VPS13A: variants seen among roughly 807,000 people sequenced by gnomAD.
VPS13A encodes the protein vacuolar protein sorting 13 homolog A, also known as intermembrane lipid transfer protein VPS13A.
VPS13A carries 264 observed loss-of-function variants against 390.9 expected under a neutral mutation model. That is an observed-to-expected ratio of 0.68 (90% CI 0.61 to 0.75). The LOEUF is 0.75. Among genes scored for constraint, VPS13A ranks in the 30% least tolerant of loss-of-function variants. The pLI, the probability that VPS13A is intolerant of heterozygous loss-of-function variation, is 0.00. For missense variants in VPS13A, 3,409 were observed against 3,733.9 expected (o/e 0.91, Z 2.27); for synonymous variants, 1,231 against 1,227.1 (o/e 1.00, Z -0.07).
chr9:77,336,357 A>G (rs981267318), intron 46 of VPS13A, among the ~76,000 whole-genome samples: 24 of 152,174 alleles, frequency 1.6e-4, no homozygotes, highest in African/African-American at 5.8e-4. Context: ...TATAATTAAA[A>G]CAAAAACACT....
Position 77,206,068 on chromosome 9 carries a change from T to G in VPS13A, c.374T>G (p.Val125Gly), listed in dbSNP as rs554301406. 1.3e-6 allele frequency: 2 copies of G among 1,572,774 alleles called. No homozygotes were observed. The highest frequency in any genetic ancestry group is 2.3e-5 in the South Asian group (2 of 85,730). Residue 125 changes from valine (V) to glycine (G), a missense_variant, in exon 5 of 72, where the codon GTA becomes GGA. By Grantham distance (109) the Val-to-Gly change is moderately radical. Coordinates refer to ENST00000360280, the MANE Select transcript of VPS13A (RefSeq NM_033305.3). ...AGAATAGAAGAAGCAAAACAAAAAG[T>G]AGTTGATCAAGGTAAAGAAAACAGT... The part of the protein sequence containing the change: ...LKRIEEAKQK[V>G]VDQEQHLPEK...
chr9:77,338,873 G>T (rs1018509661), intron 47 of VPS13A: 1 of 152,426 alleles, frequency 6.6e-6, no homozygotes. Flanking sequence ...TTTCCAAAGG[G>T]TGTGATCAGT....
intron 52 of VPS13A, among the ~76,000 whole-genome samples, chr9:77,345,529 T>C (rs1206700475): frequency 6.6e-6 from 1 of 152,154 alleles, no homozygotes; most frequent in South Asian, 2.1e-4. Context: ...AGGTACCCTC[T>C]TGTTGAGCTG....
At chr9:77,268,820 A>G (rs1442414463) in intron 23 of VPS13A, among the ~76,000 whole-genome samples, 2 of 152,002 alleles carry the variant, frequency 1.3e-5, no homozygotes, top group Non-Finnish European at 2.9e-5. Context: ...GGCATCTGTA[A>G]TCCCAACTGC....
In VPS13A at chr9:77,419,579, A is replaced by G. The variant is rs1336179860; in HGVS notation, c.*3573A>G. The G allele has an allele frequency of 6.6e-6, 1 of 152,178 alleles. No homozygotes were observed. The highest frequency in any genetic ancestry group is 1.5e-5 in the Non-Finnish European group (1 of 68,026). 9.4% of individuals were successfully genotyped at this position (152,178 alleles called of 1,614,324 possible). A position where few individuals can be genotyped will look rare whatever the true frequency, so the allele number is the denominator to read the frequency against. On this transcript the variant is annotated 3_prime_UTR_variant, in exon 72 of 72. Coordinates refer to ENST00000360280, the MANE Select transcript of VPS13A (RefSeq NM_033305.3). ...TTCTTCTTTTGAGTGAGAAGATGGA[A>G]TCACTCTTGGTTTCTAAAATATTTT...
Position 77,303,046 on chromosome 9 carries a change from A to G in VPS13A, c.3944A>G (p.Gln1315Arg). Residue 1315 changes from glutamine to arginine, a missense_variant, in exon 34 of 72, where the codon CAG becomes CGG. Transcript: ENST00000360280. ...QEVPCFNVNA[Q>R]LKPMEFILSQ... ...GTTCCTTGTTTTAATGTAAATGCTC[A>G]GCTGAAACCAATGGAGGTAACTTTT... The G allele has an allele frequency of 1.2e-6, 2 of 1,614,004 alleles. No homozygotes were observed. The highest frequency in any genetic ancestry group is 1.7e-6 in the Non-Finnish European group (2 of 1,179,952).
In VPS13A at chr9:77,303,074, T is replaced by C; in HGVS notation, c.3960+12T>C. ...TGAAACCAATGGAGGTAACTTTTTT[T>C]GGATACTTATCAATTTTTGTTTTGC... On this transcript the variant is annotated intron_variant, in intron 34 of 71. Transcript: ENST00000360280. The C allele has an allele frequency of 3.7e-6, 6 of 1,613,872 alleles. No homozygotes were observed. The highest frequency in any genetic ancestry group is 5.1e-6 in the Non-Finnish European group (6 of 1,179,876).
intron 71 of VPS13A, among the ~76,000 whole-genome samples, chr9:77,409,884 C>T (rs926057476): frequency 4.6e-5 from 7 of 151,348 alleles, no homozygotes; most frequent in African/African-American, 1.5e-4. Context: ...GGATATTATC[C>T]AGGAGAACTT....
intron 23 of VPS13A, among the ~76,000 whole-genome samples, chr9:77,263,809 T>C (rs1825885861): frequency 6.6e-6 from 1 of 152,170 alleles, no homozygotes; most frequent in Admixed American, 6.5e-5. Flanking sequence ...TTTAGTCATT[T>C]AGTCTTTGCC....
At chr9:77,202,040 G>A (rs1825360619) in intron 3 of VPS13A, among the ~76,000 whole-genome samples, 1 of 152,062 alleles carries the variant, frequency 6.6e-6, no homozygotes, top group Admixed American at 6.6e-5. Flanking sequence ...TTGGGACTTG[G>A]AGATATTTTT....
At position 77,359,285 on chromosome 9, in the gene VPS13A, C is replaced by G. The variant is rs554914623; in HGVS notation, c.8036-48C>G. ...GTGTATATTGGAAGAAAATGCCTAGCTTTTGCTTAAAGCATCATGGGAGTA... is the reference window on the plus strand; with the variant it reads ...GTGTATATTGGAAGAAAATGCCTAGGTTTTGCTTAAAGCATCATGGGAGTA... On this transcript the variant is annotated intron_variant, in intron 57 of 71. Coordinates refer to ENST00000360280, the MANE Select transcript of VPS13A (RefSeq NM_033305.3). The G allele has an allele frequency of 2.0e-6, 3 of 1,517,866 alleles. No individual in the cohort carries two copies. In the East Asian group the frequency reaches 6.8e-5, roughly 34 times the overall value. The allele number at this position is 1,517,866 out of a possible 1,614,324, so 94.0% of individuals were successfully genotyped here.
chr9:77,267,405 C>G (rs1291724705), intron 23 of VPS13A, among the ~76,000 whole-genome samples: 1 of 152,116 alleles, frequency 6.6e-6, no homozygotes, highest in Non-Finnish European at 1.5e-5. Context: ...GTTAGTTTTC[C>G]TTCTAACAGT....
At chr9:77,247,137 T>C in intron 19 of VPS13A, 122 bp from the exon 20 acceptor site, 1 of 836,854 alleles carries the variant, frequency 1.2e-6, no homozygotes, top group East Asian at 2.9e-5. Flanking sequence ...TTTGCTGAGG[T>C]CATTTTAAAA....
At chr9:77,263,335 C>T (rs1208423737) in intron 23 of VPS13A, among the ~76,000 whole-genome samples, 1 of 152,032 alleles carries the variant, frequency 6.6e-6, no homozygotes, top group East Asian at 1.9e-4. Flanking sequence ...TCTCAATCTC[C>T]TGACCTCGTG....
chr9:77,270,922 G>A (rs1403494906), intron 23 of VPS13A, among the ~76,000 whole-genome samples: 2 of 152,100 alleles, frequency 1.3e-5, no homozygotes, highest in Admixed American at 6.6e-5. Context: ...AACAAAAAAT[G>A]TAGGTTAAAA....
chr9:77,365,582 A>G lies in VPS13A; in HGVS notation c.8325+9A>G, dbSNP rs1236410266. On this transcript the variant is annotated intron_variant, in intron 60 of 71. Coordinates refer to ENST00000360280, the MANE Select transcript of VPS13A (RefSeq NM_033305.3). ...ATATATCTCCTATCAAGGTAGGAGA[A>G]AGTCATTTTTATTGTCCTTGATAAT... The G allele has an allele frequency of 5.2e-6, 8 of 1,543,926 alleles. No homozygotes were observed. In the Admixed American group the frequency reaches 1.3e-4, roughly 26 times the overall value.
chr9:77,253,269 T>C (rs555059485), intron 22 of VPS13A, among the ~76,000 whole-genome samples: 1 of 152,322 alleles, frequency 6.6e-6, no homozygotes, highest in African/African-American at 2.4e-5. Context: ...GAGAAATACA[T>C]ATTCAAGATC....
intron 35 of VPS13A, among the ~76,000 whole-genome samples, chr9:77,309,571 A>G (rs1186653896): frequency 6.6e-6 from 1 of 152,202 alleles, no homozygotes; most frequent in Non-Finnish European, 1.5e-5. Context: ...AGGCACAGTA[A>G]GAGTTGAACA....
chr9:77,386,037 A>G (rs182090000), intron 68 of VPS13A, among the ~76,000 whole-genome samples: 1 of 152,326 alleles, frequency 6.6e-6, no homozygotes. Context: ...ATATGTAAAC[A>G]TCATAAAGTT....
Sources: gnomAD v4.1 joint callset for allele counts (sites outside exome capture counted in the v4.1 genomes callset) on GRCh38, gnomAD v4.1.1 for gene constraint, MANE v1.5 for transcripts, NCBI Gene and HGNC (gene_info 2026-07-23, HGNC 2026-07-21) for gene names.